Variants in MAK observed in about 807,000 individuals in gnomAD.
MAK encodes the protein male germ cell associated kinase.
Under a neutral mutation model 82.6 loss-of-function variants are expected in MAK, and 65 were observed. That is an observed-to-expected ratio of 0.79 (90% CI 0.64 to 0.97). The LOEUF is 0.97. Ranked by LOEUF, MAK falls within the 50% of genes least tolerant of loss-of-function variation. MAK has a pLI of 0.00. For missense variants in MAK, 703 were observed against 780.2 expected (o/e 0.90, Z 1.18); for synonymous variants, 250 against 274.2 (o/e 0.91, Z 0.87).
intron 14 of MAK, among the ~76,000 whole-genome samples, chr6:10,766,932 G>A (rs1266649601): frequency 2.0e-5 from 3 of 152,212 alleles, no homozygotes; most frequent in Non-Finnish European, 4.4e-5. Flanking sequence ...TTGCTAAGAA[G>A]GGGGTAGTGT....
intron 10 of MAK, among the ~76,000 whole-genome samples, chr6:10,788,523 G>C (rs1390380200): frequency 6.6e-6 from 1 of 152,100 alleles, no homozygotes; most frequent in Admixed American, 6.6e-5. Context: ...CCTGAGGTCA[G>C]GAGTTCAAGA....
chr6:10,828,531 T>C (rs1156835570), intron 2 of MAK, among the ~76,000 whole-genome samples: 2 of 152,246 alleles, frequency 1.3e-5, no homozygotes, highest in Admixed American at 6.5e-5. Flanking sequence ...AAAAAGGTAA[T>C]TAAGTTTAAG....
intron 11 of MAK, chr6:10,780,304 C>T (rs1424643162): frequency 5.8e-5 from 54 of 934,534 alleles, no homozygotes; most frequent in Non-Finnish European, 6.6e-5. Context: ...CTCAGAAAAC[C>T]ACATTAGGAA....
chr6:10,782,577 A>ATT (rs70991043), intron 11 of MAK, among the ~76,000 whole-genome samples: 3,791 of 116,532 alleles, frequency 0.033, 204 homozygotes, highest in African/African-American at 0.11. Context: ...TCCCAACTGG[A>ATT]TTTTTTTTTT....
At chr6:10,771,970 A>C (rs1158627058) in intron 13 of MAK, among the ~76,000 whole-genome samples, 3 of 152,230 alleles carry the variant, frequency 2.0e-5, no homozygotes, top group African/African-American at 7.2e-5. Context: ...CACTTATTAA[A>C]TGCTTAGCAT....
intron 5 of MAK, among the ~76,000 whole-genome samples, chr6:10,812,459 C>A (rs910147162): frequency 1.3e-5 from 2 of 151,980 alleles, no homozygotes; most frequent in Non-Finnish European, 2.9e-5. Context: ...GAAAATAGAT[C>A]AAGTATTAAT....
Position 10,796,193 on chromosome 6 carries a change from T to G in MAK, c.948A>C (p.Leu316Phe), listed in dbSNP as rs781065923. The G allele has an allele frequency of 7.4e-6, 12 of 1,614,222 alleles. No individual in the cohort carries two copies. The South Asian group carries it at 8.8e-5, about 12-fold the overall frequency. The change falls in exon 9 of 15, where the codon TTA becomes TTC. Residue 316 changes from leucine to phenylalanine, a missense_variant. Transcript: ENST00000354489. ...QLQPLESKPSLVEVEPKPLPD... is the reference protein window; with the variant it reads ...QLQPLESKPSFVEVEPKPLPD... ...GCAGAGGCTTAGGCTCTACCTCAAC[T>G]AAAGATGGCTTTGATTCTAATGGTT...
chr6:10,802,678 ACT>A (rs1335168619), intron 7 of MAK: 1 of 152,298 alleles, frequency 6.6e-6, no homozygotes, highest in African/African-American at 2.4e-5. Context: ...ACCTGGGTTA[ACT>A]CTGAACAAAT....
chr6:10,832,505 C>T (rs1449318926), intron 1 of MAK, among the ~76,000 whole-genome samples: 2 of 152,226 alleles, frequency 1.3e-5, no homozygotes, highest in African/African-American at 2.4e-5. Context: ...CCACCCTGAT[C>T]GGTCAGCAGC....
At chr6:10,820,674 T>A (rs1777879934) in intron 2 of MAK, among the ~76,000 whole-genome samples, 1 of 152,184 alleles carries the variant, frequency 6.6e-6, no homozygotes, top group Admixed American at 6.5e-5. Flanking sequence ...TTCTAAAATA[T>A]CCTTAGTGAA....
chr6:10,767,736 G>C lies in MAK; in HGVS notation c.1792+2375C>G, dbSNP rs139971704. On this transcript the variant is annotated intron_variant, in intron 14 of 14. Transcript: ENST00000354489. ...CCCGGGTGGCAGAGGTTGCAGCAGG[G>C]AGCTGAGATCACGCCACTGCACTCC... 1.7e-4 allele frequency among the ~76,000 whole-genome samples: 26 copies of C among 150,620 alleles called. 1 individual carries two copies. In the East Asian group the frequency reaches 5.1e-3, roughly 30 times the overall value.
chr6:10,773,069 T>C lies in MAK; in HGVS notation c.1637A>G (p.Asn546Ser), dbSNP rs371455796. The change falls in exon 13 of 15, where the codon AAT becomes AGT. Residue 546 changes from asparagine to serine, a missense_variant. Coordinates refer to ENST00000354489, the MANE Select transcript of MAK (RefSeq NM_001242957.3). ...IIKPIEKLSC[N>S]ETFPEKLEDP... Reference sequence around the variant, plus strand: ...CTCTAATTTTTCAGGAAAAGTTTCATTGCATGATAGTTTTTCGATTGGTTT... The same window carrying C: ...CTCTAATTTTTCAGGAAAAGTTTCACTGCATGATAGTTTTTCGATTGGTTT... 57 of 1,531,928 alleles carry C rather than the reference T, an allele frequency of 3.7e-5. 2 individuals carry two copies. In the Middle Eastern group the frequency reaches 5.0e-4, roughly 13 times the overall value. The allele number at this position is 1,531,928 out of a possible 1,614,324, so 94.9% of individuals were successfully genotyped here.
chr6:10,836,182 G>C (rs1462400532), intron 1 of MAK, among the ~76,000 whole-genome samples: 1 of 152,158 alleles, frequency 6.6e-6, no homozygotes, highest in Non-Finnish European at 1.5e-5. Context: ...CTGTTTGAGG[G>C]GTGGAGTGTT....
At position 10,835,421 on chromosome 6, in the gene MAK, G is replaced by A. The variant is rs181575859; in HGVS notation, c.-230+3082C>T. 1.7e-4 allele frequency among the ~76,000 whole-genome samples: 26 copies of A among 152,204 alleles called. No homozygotes were observed. The East Asian group carries it at 1.9e-3, about 11-fold the overall frequency. On this transcript the variant is annotated intron_variant, in intron 1 of 14. Transcript: ENST00000354489. ...ATTACAGGCGCGTGCCACCATGCCC[G>A]GCTAATTTCTGTATTTTTAGTAGAG...
chr6:10,802,703 T>C (rs1359468964), intron 7 of MAK, among the ~76,000 whole-genome samples: 3 of 152,202 alleles, frequency 2.0e-5, no homozygotes, highest in Non-Finnish European at 4.4e-5. Context: ...GGAAAAGTGC[T>C]TTACAAAGAG....
intron 10 of MAK, among the ~76,000 whole-genome samples, chr6:10,788,244 G>A (rs1774762957): frequency 6.6e-6 from 1 of 151,524 alleles, no homozygotes; most frequent in African/African-American, 2.4e-5. Context: ...CACCTACCTC[G>A]GCCTCCTAAA....
chr6:10,822,079 A>G (rs569407247), intron 2 of MAK, among the ~76,000 whole-genome samples: 33 of 145,090 alleles, frequency 2.3e-4, no homozygotes, highest in South Asian at 7.0e-4. Context: ...CTCGGGAGGC[A>G]GAGCTTGCAG....
rs369797377 is a variant in MAK at position 10,803,784 on chromosome 6, A to G, written c.599T>C (p.Phe200Ser). The G allele has an allele frequency of 2.5e-6, 4 of 1,614,004 alleles. No individual in the cohort carries two copies. The African/African-American group carries it at 5.3e-5, about 22-fold the overall frequency. The change falls in exon 7 of 15, where the codon TTC becomes TCC. Residue 200 changes from phenylalanine to serine, a missense_variant. Phe to Ser is a radical substitution (Grantham distance 155, BLOSUM62 -2). Transcript: ENST00000354489. ...TTCATCGACCTCACTTGTCCCTGGG[A>G]AAAGTGGCCTTAACATATAGAGTTC... is the stretch of plus-strand genomic sequence containing the variant. ...MAELYMLRPL[F>S]PGTSEVDEIF...
chr6:10,784,003 A>C (rs1163559676), intron 11 of MAK, among the ~76,000 whole-genome samples: 2 of 152,210 alleles, frequency 1.3e-5, no homozygotes, highest in Non-Finnish European at 2.9e-5. Flanking sequence ...TGGGCGACAG[A>C]GCGAGAATCT....
Sources: gnomAD v4.1 joint callset for allele counts (sites outside exome capture counted in the v4.1 genomes callset) on GRCh38, gnomAD v4.1.1 for gene constraint, MANE v1.5 for transcripts, NCBI Gene and HGNC (gene_info 2026-07-23, HGNC 2026-07-21) for gene names.